The following TEX26 variants were observed in gnomAD, a reference collection of about 807,000 sequenced individuals.
TEX26 encodes the protein testis-expressed protein 26.
TEX26 carries 34 observed loss-of-function variants against 35.3 expected under a neutral mutation model. The observed-to-expected ratio is 0.96, with a 90% CI of 0.73 to 1.28. TEX26 has a LOEUF of 1.28. Ranked by LOEUF, TEX26 falls within the 50% of genes most tolerant of loss-of-function variation. The pLI is 0.00. For synonymous variants in TEX26, 136 were observed against 111.8 expected, an observed-to-expected ratio of 1.22 and a Z score of -1.36; for missense variants, 371 against 330.1, an observed-to-expected ratio of 1.12 and a Z score of -0.96.
chr13:30,966,164 G>C, intron 4 of TEX26, 58 bp from the exon 5 acceptor site: 1 of 1,596,126 alleles, frequency 6.3e-7, no homozygotes, highest in Non-Finnish European at 8.6e-7. Flanking sequence ...GCAAGAGTGG[G>C]TTTAGCTACT....
chr13:30,954,596 G>A (rs1305197022), intron 3 of TEX26, among the ~76,000 whole-genome samples: 2 of 151,692 alleles, frequency 1.3e-5, no homozygotes, highest in Non-Finnish European at 2.9e-5. Context: ...GTAGCTTAAA[G>A]TACAGGTGCA....
chr13:30,949,615 G>T (rs1953845667), intron 2 of TEX26, among the ~76,000 whole-genome samples: 3 of 151,878 alleles, frequency 2.0e-5, no homozygotes. Context: ...TTATATCCAA[G>T]TAACTTATAC....
In TEX26 at chr13:30,968,888, C is replaced by T. The variant is rs1566168286; in HGVS notation, c.650C>T (p.Pro217Leu). The change falls in exon 6 of 7, where the codon CCT becomes CTT. Residue 217 changes from proline (P) to leucine (L), a missense_variant. Coordinates refer to ENST00000380473, the MANE Select transcript of TEX26 (RefSeq NM_152325.3). The part of the protein sequence containing the change: ...SLPVASQGLV[P>L]SVLHSYLRNQ... Reference sequence around the variant, plus strand: ...CCTCCCCTGTGTATTTCTATAGTGCCTTCTGTGCTGCACAGCTACCTGAGG... The same window carrying T: ...CCTCCCCTGTGTATTTCTATAGTGCTTTCTGTGCTGCACAGCTACCTGAGG... 6.2e-7 allele frequency: 1 copy of T among 1,613,376 alleles called. No individual in the cohort carries two copies. The highest frequency in any genetic ancestry group is 8.5e-7 in the Non-Finnish European group (1 of 1,179,622).
chr13:30,965,115 T>A (rs1954480293), intron 4 of TEX26, among the ~76,000 whole-genome samples: 1 of 152,156 alleles, frequency 6.6e-6, no homozygotes, highest in Non-Finnish European at 1.5e-5. Flanking sequence ...GTATGGGCAG[T>A]TTATGAGGTC....
intron 2 of TEX26, among the ~76,000 whole-genome samples, chr13:30,948,158 G>A (rs1020162684): frequency 1.3e-5 from 2 of 152,112 alleles, no homozygotes; most frequent in Non-Finnish European, 2.9e-5. Flanking sequence ...ATTTGGGTTG[G>A]TTCCTAGTCT....
chr13:30,940,626 T>C (rs1953458784), intron 2 of TEX26, among the ~76,000 whole-genome samples: 1 of 152,102 alleles, frequency 6.6e-6, no homozygotes, highest in Non-Finnish European at 1.5e-5. Context: ...AGCCACCACA[T>C]CCGGCTGCCC....
chr13:30,937,059 A>C (rs1953298230), intron 1 of TEX26: 1 of 917,118 alleles, frequency 1.1e-6, no homozygotes. Context: ...TGTACCAAAG[A>C]TCAAGTGTGC....
At chr13:30,961,224 A>G (rs893378203) in intron 4 of TEX26, among the ~76,000 whole-genome samples, 1 of 152,188 alleles carries the variant, frequency 6.6e-6, no homozygotes, top group African/African-American at 2.4e-5. Context: ...GGTGTCCCTC[A>G]GTCCAGAGCT....
intron 4 of TEX26, among the ~76,000 whole-genome samples, chr13:30,959,077 T>C (rs577618943): frequency 6.6e-6 from 1 of 152,328 alleles, no homozygotes; most frequent in South Asian, 2.1e-4. Context: ...GCTTCTCTTA[T>C]TAGAACTACC....
At chr13:30,956,398 C>G (rs1304202990) in intron 3 of TEX26, among the ~76,000 whole-genome samples, 1 of 152,002 alleles carries the variant, frequency 6.6e-6, no homozygotes, top group Non-Finnish European at 1.5e-5. Flanking sequence ...GCCACATTTT[C>G]TTAATCCAGT....
intron 6 of TEX26, among the ~76,000 whole-genome samples, chr13:30,972,110 G>A (rs1466676413): frequency 4.6e-5 from 7 of 152,112 alleles, no homozygotes; most frequent in African/African-American, 1.4e-4. Flanking sequence ...AGTAATCTTC[G>A]GGTACAGTAG....
At chr13:30,940,531 C>G (rs1486635890) in intron 2 of TEX26, among the ~76,000 whole-genome samples, 1 of 151,676 alleles carries the variant, frequency 6.6e-6, no homozygotes, top group Non-Finnish European at 1.5e-5. Context: ...GAGAGGGTTT[C>G]ACTGTGTTAG....
intron 2 of TEX26, 108 bp from the exon 3 acceptor site, chr13:30,952,552 C>A: frequency 1.1e-6 from 1 of 925,528 alleles, no homozygotes; most frequent in Non-Finnish European, 1.6e-6. Flanking sequence ...ACTCTTATGC[C>A]AATCAATCTT....
chr13:30,947,133 A>G (rs796903875), intron 2 of TEX26, among the ~76,000 whole-genome samples: 5 of 152,322 alleles, frequency 3.3e-5, no homozygotes, highest in African/African-American at 1.2e-4. Flanking sequence ...CAATTATTTT[A>G]GTACACAATC....
chr13:30,957,610 G>A (rs766651132), intron 4 of TEX26, among the ~76,000 whole-genome samples: 2 of 152,220 alleles, frequency 1.3e-5, no homozygotes, highest in Admixed American at 6.5e-5. Context: ...GGAAGAAGGT[G>A]GACAGGAGGA....
At chr13:30,958,798 G>T (rs1290536774) in intron 4 of TEX26, among the ~76,000 whole-genome samples, 2 of 152,116 alleles carry the variant, frequency 1.3e-5, no homozygotes, top group African/African-American at 4.8e-5. Flanking sequence ...ATCCCGTCTA[G>T]CATGTTCCAG....
chr13:30,958,170 G>A (rs1427350362), intron 4 of TEX26, among the ~76,000 whole-genome samples: 1 of 152,058 alleles, frequency 6.6e-6, no homozygotes, highest in Non-Finnish European at 1.5e-5. Context: ...CTGTTTTTTT[G>A]TAGGGTAAGT....
chr13:30,951,052 G>T (rs1399982717), intron 2 of TEX26, among the ~76,000 whole-genome samples: 3 of 152,110 alleles, frequency 2.0e-5, no homozygotes, highest in Non-Finnish European at 2.9e-5. Flanking sequence ...ACTAAGTGTG[G>T]TGGTCCACGG....
chr13:30,952,001 A>ATTTT (rs751918742), intron 2 of TEX26, among the ~76,000 whole-genome samples: 3 of 50,716 alleles, frequency 5.9e-5, no homozygotes, highest in African/African-American at 3.0e-4. Flanking sequence ...TTATTCTGGG[A>ATTTT]TTTTTTTTTT....
Sources: gnomAD v4.1 joint callset for allele counts (sites outside exome capture counted in the v4.1 genomes callset) on GRCh38, gnomAD v4.1.1 for gene constraint, MANE v1.5 for transcripts, NCBI Gene and HGNC (gene_info 2026-07-23, HGNC 2026-07-21) for gene names.